The following CADM2 variants were observed in gnomAD, a reference collection of about 807,000 sequenced individuals.
CADM2 encodes immunoglobulin superfamily member 4D.
Under a neutral mutation model 49.8 loss-of-function variants are expected in CADM2, and 12 were observed. That is an observed-to-expected ratio of 0.24 (90% CI 0.15 to 0.39). The LOEUF is 0.39. CADM2 is among the 10% of genes least tolerant of loss of function. The pLI, the probability that CADM2 is intolerant of heterozygous loss-of-function variation, is 1.00. For synonymous variants in CADM2, 214 were observed against 175.4 expected, an observed-to-expected ratio of 1.22 and a Z score of -1.74; for missense variants, 378 against 492.3, an observed-to-expected ratio of 0.77 and a Z score of 2.20.
intron 3 of CADM2, among the ~76,000 whole-genome samples, chr3:85,824,411 T>A (rs990264636): frequency 2.6e-5 from 4 of 151,732 alleles, no homozygotes; most frequent in African/African-American, 9.7e-5. Flanking sequence ...ATTTTTTTTT[T>A]AAGAAAAAAC....
chr3:85,923,392 T>G (rs909231027), intron 6 of CADM2, among the ~76,000 whole-genome samples: 1 of 152,122 alleles, frequency 6.6e-6, no homozygotes, highest in Admixed American at 6.6e-5. Flanking sequence ...TACTGTCATT[T>G]TAAGAGGCTT....
chr3:85,084,679 C>A (rs2037303689), intron 1 of CADM2, among the ~76,000 whole-genome samples: 1 of 151,994 alleles, frequency 6.6e-6, no homozygotes, highest in African/African-American at 2.4e-5. Flanking sequence ...TCACCTGTTT[C>A]TTTTTAATGT....
At chr3:85,943,051 A>AT (rs1249095593) in intron 7 of CADM2, among the ~76,000 whole-genome samples, 2 of 151,946 alleles carry the variant, frequency 1.3e-5, no homozygotes, top group Non-Finnish European at 2.9e-5. Flanking sequence ...ATGGTATCTC[A>AT]TTGTAGTTTT....
chr3:85,489,788 CGT>C (rs765287422), intron 1 of CADM2, among the ~76,000 whole-genome samples: 227 of 143,372 alleles, frequency 1.6e-3, no homozygotes, highest in Middle Eastern at 7.5e-3. Flanking sequence ...AATTATTTAA[CGT>C]GTGTGTGTGT....
chr3:85,390,382 A>G (rs1272752996), intron 1 of CADM2, among the ~76,000 whole-genome samples: 1 of 152,002 alleles, frequency 6.6e-6, no homozygotes, highest in African/African-American at 2.4e-5. Context: ...ACTTTTTTCC[A>G]AGGTATTGAA....
intron 1 of CADM2, among the ~76,000 whole-genome samples, chr3:85,073,366 A>G (rs1224300888): frequency 6.6e-6 from 1 of 152,186 alleles, no homozygotes; most frequent in Admixed American, 6.5e-5. Flanking sequence ...ACACTTCTCT[A>G]AGTAACCAAA....
intron 8 of CADM2, among the ~76,000 whole-genome samples, chr3:86,042,723 A>G (rs1417460320): frequency 1.3e-5 from 2 of 152,192 alleles, no homozygotes; most frequent in East Asian, 1.9e-4. Flanking sequence ...TCCCTAACTC[A>G]TTTTATGAGG....
At chr3:85,170,623 G>A (rs2040599731) in intron 1 of CADM2, among the ~76,000 whole-genome samples, 2 of 152,128 alleles carry the variant, frequency 1.3e-5, no homozygotes, top group Admixed American at 6.5e-5. Flanking sequence ...ATGACTCATC[G>A]TGCAGGCCTG....
chr3:85,603,287 A>G (rs1175416654), intron 1 of CADM2, among the ~76,000 whole-genome samples: 1 of 151,924 alleles, frequency 6.6e-6, no homozygotes. Flanking sequence ...GCCATTGACA[A>G]TTCTTTTTTT....
At chr3:85,463,368 A>T (rs1483577330) in intron 1 of CADM2, among the ~76,000 whole-genome samples, 2 of 152,108 alleles carry the variant, frequency 1.3e-5, no homozygotes, top group African/African-American at 4.8e-5. Flanking sequence ...CTGTAACTTT[A>T]TCTGGCTTGG....
At chr3:85,329,576 ACT>A (rs2044856375) in intron 1 of CADM2, among the ~76,000 whole-genome samples, 1 of 152,070 alleles carries the variant, frequency 6.6e-6, no homozygotes, top group African/African-American at 2.4e-5. Context: ...ACAGAACAAG[ACT>A]CTGTCTCAGA....
chr3:86,041,068 G>T (rs1735845747), intron 8 of CADM2, among the ~76,000 whole-genome samples: 1 of 152,132 alleles, frequency 6.6e-6, no homozygotes, highest in Non-Finnish European at 1.5e-5. Context: ...CCCTAAAAGA[G>T]CTCCTGAAGG....
chr3:85,836,385 C>G (rs979254961), intron 3 of CADM2, among the ~76,000 whole-genome samples: 2 of 151,588 alleles, frequency 1.3e-5, no homozygotes, highest in African/African-American at 4.8e-5. Context: ...TTGATTCTTT[C>G]TATCTTCTAC....
At chr3:85,586,216 C>T (rs1451085188) in intron 1 of CADM2, among the ~76,000 whole-genome samples, 1 of 152,084 alleles carries the variant, frequency 6.6e-6, no homozygotes, top group Non-Finnish European at 1.5e-5. Context: ...CCCCCTAGCT[C>T]ATGCTGGGCT....
intron 1 of CADM2, among the ~76,000 whole-genome samples, chr3:85,419,314 T>C (rs1437824733): frequency 3.9e-4 from 59 of 151,794 alleles, no homozygotes; most frequent in Admixed American, 3.7e-3. Flanking sequence ...AAAAATTAGC[T>C]GGGCGTGGTG....
intron 1 of CADM2, among the ~76,000 whole-genome samples, chr3:85,620,359 C>A (rs903423914): frequency 2.6e-5 from 4 of 151,804 alleles, no homozygotes; most frequent in Admixed American, 2.6e-4. Context: ...CTTAGAGCAA[C>A]CAATAAACAC....
chr3:85,935,999 C>A (rs1421812329), intron 7 of CADM2, 142 bp downstream of exon 7: 1 of 485,408 alleles, frequency 2.1e-6, no homozygotes, highest in Non-Finnish European at 3.8e-6. Flanking sequence ...CCTCATGAAC[C>A]ATGTCTTCAT....
intron 1 of CADM2, among the ~76,000 whole-genome samples, chr3:85,158,159 T>G (rs1031086420): frequency 3.9e-5 from 6 of 152,188 alleles, no homozygotes; most frequent in African/African-American, 1.4e-4. Flanking sequence ...TCACACCAGT[T>G]AGAATGGCAA....
At position 86,016,127 on chromosome 3, in the gene CADM2, C is replaced by A. The variant is rs535508745; in HGVS notation, c.971-49478C>A. 2.0e-5 allele frequency among the ~76,000 whole-genome samples: 3 copies of A among 152,110 alleles called. No individual in the cohort carries two copies. The South Asian group carries it at 6.2e-4, about 32-fold the overall frequency. ...TTACTATCATGTAATTAACTCATGT[C>A]AGTCTTTTGATACACTATTTTTTTA... On this transcript the variant is annotated intron_variant, in intron 8 of 9. Transcript: ENST00000383699.
Sources: allele counts gnomAD v4.1 joint callset (sites outside exome capture counted in the v4.1 genomes callset), GRCh38; gene constraint gnomAD v4.1.1; transcripts MANE v1.5; gene names NCBI Gene and HGNC (gene_info 2026-07-23, HGNC 2026-07-21).